The following SGCZ variants were observed in gnomAD, a reference collection of about 807,000 sequenced individuals.
SGCZ encodes the protein sarcoglycan zeta, also known as zeta-sarcoglycan.
SGCZ carries 40 observed loss-of-function variants against 41.3 expected under a neutral mutation model. The ratio of observed to expected loss-of-function variants is 0.97; its 90% CI spans 0.75 to 1.26. SGCZ has a LOEUF of 1.26. SGCZ is among the 50% of genes most tolerant of loss of function. The pLI, the probability that SGCZ is intolerant of heterozygous loss-of-function variation, is 0.00. For synonymous variants in SGCZ, 206 were observed against 137.5 expected (o/e 1.50, Z -3.49); for missense variants, 552 against 369.8 (o/e 1.49, Z -4.04).
chr8:14,463,638 A>C (rs1181633448), intron 2 of SGCZ, among the ~76,000 whole-genome samples: 1 of 151,718 alleles, frequency 6.6e-6, no homozygotes, highest in Non-Finnish European at 1.5e-5. Flanking sequence ...AACACAGACA[A>C]ACTGTATTTT....
chr8:14,241,487 G>T (rs1228193218), intron 3 of SGCZ, among the ~76,000 whole-genome samples: 2 of 147,214 alleles, frequency 1.4e-5, no homozygotes, highest in East Asian at 3.9e-4. Flanking sequence ...ATAATATATA[G>T]CATCTACATA....
intron 1 of SGCZ, among the ~76,000 whole-genome samples, chr8:15,077,818 A>G (rs1213978903): frequency 6.6e-6 from 1 of 152,246 alleles, no homozygotes; most frequent in Non-Finnish European, 1.5e-5. Context: ...CAATAGAGGT[A>G]CAAGATAAAA....
intron 1 of SGCZ, among the ~76,000 whole-genome samples, chr8:14,610,966 T>C (rs965575578): frequency 1.3e-5 from 2 of 152,214 alleles, no homozygotes; most frequent in African/African-American, 2.4e-5. Context: ...AAAAATTACA[T>C]TTCCTGTTTT....
At chr8:14,994,904 C>T (rs1356089700) in intron 1 of SGCZ, among the ~76,000 whole-genome samples, 3 of 152,206 alleles carry the variant, frequency 2.0e-5, no homozygotes, top group Non-Finnish European at 2.9e-5. Flanking sequence ...TGTCTGCCAA[C>T]AAATTCCTCA....
chr8:14,483,645 T>A (rs951979789), intron 2 of SGCZ, among the ~76,000 whole-genome samples: 1 of 152,176 alleles, frequency 6.6e-6, no homozygotes. Flanking sequence ...ATTACGTTGA[T>A]AAAGAAATTC....
chr8:14,839,418 T>C (rs781443662), intron 1 of SGCZ, among the ~76,000 whole-genome samples: 2 of 152,248 alleles, frequency 1.3e-5, no homozygotes, highest in Middle Eastern at 3.4e-3. Context: ...GACTCTGTAG[T>C]ATAGATGTCA....
chr8:14,652,347 G>GC (rs201655521), intron 1 of SGCZ, among the ~76,000 whole-genome samples: 1 of 32,928 alleles, frequency 3.0e-5, no homozygotes, highest in Non-Finnish European at 5.8e-5. Flanking sequence ...AAAAAAAAAA[G>GC]GGGGGGGTGT....
At chr8:14,428,389 CT>C (rs1212986649) in intron 2 of SGCZ, among the ~76,000 whole-genome samples, 1 of 151,938 alleles carries the variant, frequency 6.6e-6, no homozygotes, top group African/African-American at 2.4e-5. Flanking sequence ...CTTACATTAA[CT>C]TTATTATTAC....
chr8:15,167,422 G>A lies in SGCZ; in HGVS notation c.39+70163C>T, dbSNP rs577985792. 8.7e-5 allele frequency among the ~76,000 whole-genome samples: 13 copies of A among 149,006 alleles called. No individual in the cohort carries two copies. In the South Asian group the frequency reaches 2.9e-3, roughly 33 times the overall value. ...AGACTGTCACTTTCTAACAGGTCTA[G>A]GAGCTCCAAGTTCATCTTGGGACTT... On this transcript the variant is annotated intron_variant, in intron 1 of 7. Transcript: ENST00000382080.
chr8:14,812,292 G>A (rs931683830), intron 1 of SGCZ, among the ~76,000 whole-genome samples: 2 of 151,888 alleles, frequency 1.3e-5, no homozygotes, highest in Non-Finnish European at 2.9e-5. Context: ...GGCATCTACA[G>A]AATATTGTCT....
At chr8:14,849,280 C>T (rs1364684212) in intron 1 of SGCZ, among the ~76,000 whole-genome samples, 3 of 151,980 alleles carry the variant, frequency 2.0e-5, no homozygotes, top group Non-Finnish European at 2.9e-5. Context: ...TCTTTAAAAA[C>T]TTAAAGACTG....
intron 2 of SGCZ, among the ~76,000 whole-genome samples, chr8:14,427,297 T>A (rs762272067): frequency 2.0e-5 from 3 of 152,026 alleles, no homozygotes; most frequent in Non-Finnish European, 2.9e-5. Flanking sequence ...TAAGTTTACC[T>A]GTGTGGCAAA....
intron 2 of SGCZ, among the ~76,000 whole-genome samples, chr8:14,441,143 T>C (rs949741017): frequency 6.6e-6 from 1 of 152,190 alleles, no homozygotes. Flanking sequence ...CATCTGCTCT[T>C]AGTAAAAAAT....
chr8:14,135,479 G>A (rs1287663229), intron 5 of SGCZ, among the ~76,000 whole-genome samples: 3 of 152,150 alleles, frequency 2.0e-5, no homozygotes, highest in Non-Finnish European at 4.4e-5. Flanking sequence ...TCTCCCAGAT[G>A]AGTGAATGAC....
chr8:14,920,097 C>T (rs948447604), intron 1 of SGCZ, among the ~76,000 whole-genome samples: 17 of 152,186 alleles, frequency 1.1e-4, no homozygotes, highest in South Asian at 2.1e-4. Flanking sequence ...TGCCATTTAT[C>T]TGGGCTGCTT....
chr8:15,097,830 ATATACGTGTGTG>A lies in SGCZ; in HGVS notation c.39+139743_39+139754del, dbSNP rs1454232881. Among the ~76,000 whole-genome samples, 8 of 71,596 alleles carry A rather than the reference ATATACGTGTGTG, an allele frequency of 1.1e-4. No individual in the cohort carries two copies. The Admixed American group carries it at 1.4e-3, about 13-fold the overall frequency. The allele number at this position is 71,596 out of a possible 152,430, so 47.0% of individuals were successfully genotyped here. On this transcript the variant is annotated intron_variant, in intron 1 of 7. Coordinates refer to ENST00000382080, the MANE Select transcript of SGCZ (RefSeq NM_139167.4). ...TATATATATACGTGTGTGTATATAT[ATATACGTGTGTG>A]TATATATATATATACGTGTGTGTGT... is the stretch of plus-strand genomic sequence containing the variant.
At chr8:14,943,405 A>T (rs778418745) in intron 1 of SGCZ, among the ~76,000 whole-genome samples, 4 of 152,200 alleles carry the variant, frequency 2.6e-5, no homozygotes, top group Non-Finnish European at 4.4e-5. Flanking sequence ...TGGAGCCACT[A>T]ACATTTGGAA....
intron 2 of SGCZ, among the ~76,000 whole-genome samples, chr8:14,438,105 C>T (rs533215565): frequency 2.7e-5 from 4 of 149,678 alleles, no homozygotes; most frequent in South Asian, 2.1e-4. Flanking sequence ...TTAGAGCCAA[C>T]GCTGAATAAT....
intron 2 of SGCZ, among the ~76,000 whole-genome samples, chr8:14,463,294 T>A (rs1485204530): frequency 6.6e-6 from 1 of 151,486 alleles, no homozygotes; most frequent in Non-Finnish European, 1.5e-5. Context: ...GGGCTCACAC[T>A]TTCTGATTTT....
Sources: allele counts gnomAD v4.1 joint callset (sites outside exome capture counted in the v4.1 genomes callset), GRCh38; gene constraint gnomAD v4.1.1; transcripts MANE v1.5; gene names NCBI Gene and HGNC (gene_info 2026-07-23, HGNC 2026-07-21).